PPFIBP2: variants seen among roughly 807,000 people sequenced by gnomAD.
The protein encoded by PPFIBP2 is PPFIB scaffold protein 2.
PPFIBP2 carries 118 observed loss-of-function variants against 118.3 expected under a neutral mutation model. The ratio of observed to expected loss-of-function variants is 1.00; its 90% confidence interval spans 0.86 to 1.16. The LOEUF is 1.16. PPFIBP2 is among the 50% of genes most tolerant of loss of function. The pLI, the probability that PPFIBP2 is intolerant of heterozygous loss-of-function variation, is 0.00. For missense variants in PPFIBP2, 1,195 were observed against 1,073.1 expected (o/e 1.11, Z -1.59); for synonymous variants, 414 against 397.4 (o/e 1.04, Z -0.50).
chr11:7,515,629 TGA>T (rs1485249657), intron 1 of PPFIBP2, among the ~76,000 whole-genome samples: 4 of 152,212 alleles, frequency 2.6e-5, no homozygotes, highest in African/African-American at 9.6e-5. Flanking sequence ...GGACTCACCA[TGA>T]GAAGTGGCCA....
chr11:7,660,514 A>G (rs1854867449), downstream of PPFIBP2, among the ~76,000 whole-genome samples: 2 of 149,126 alleles, frequency 1.3e-5, no homozygotes, highest in East Asian at 1.9e-4. Flanking sequence ...ATCATGGTGA[A>G]TAAGCTTTTT....
chr11:7,515,741 C>G (rs189121522), intron 1 of PPFIBP2, among the ~76,000 whole-genome samples: 251 of 152,300 alleles, frequency 1.6e-3, no homozygotes, highest in Non-Finnish European at 2.9e-3. Context: ...TGGACTTGGT[C>G]TGAAGGCACA....
chr11:7,655,640 C>G (rs1854614520), downstream of PPFIBP2: 5 of 648,032 alleles, frequency 7.7e-6, no homozygotes, highest in Non-Finnish European at 1.2e-5. Context: ...TGAGCCTGAG[C>G]CAGCCACGAG....
rs376540859 is a variant in PPFIBP2 at position 7,629,708 on chromosome 11, T to C, written c.964+174T>C. 4.6e-4 allele frequency among the ~76,000 whole-genome samples: 70 copies of C among 152,330 alleles called. 1 individual carries two copies. The South Asian group carries it at 0.014, about 30-fold the overall frequency. The stretch of plus-strand genomic sequence containing the variant: ...GATGAGAACTTAGCAGTTGTTGATT[T>C]CCAGAAATACTACCAAATGGAAGTC... On this transcript the variant is annotated intron_variant, in intron 10 of 23. Transcript: ENST00000299492.
At chr11:7,576,610 C>G (rs992559013) in intron 3 of PPFIBP2, 1 of 152,562 alleles carries the variant, frequency 6.6e-6, no homozygotes, top group South Asian at 2.1e-4. Context: ...CTTTCCACCT[C>G]CTTGGTTTGT....
At chr11:7,655,356 G>A (rs77079228), downstream of PPFIBP2, 2,061 of 1,149,680 alleles carry the variant, frequency 1.8e-3, 28 homozygotes, top group African/African-American at 0.029. Context: ...GCTTGAGCAC[G>A]ACAGGACTTG....
intron 1 of PPFIBP2, among the ~76,000 whole-genome samples, chr11:7,542,900 C>T (rs1050511839): frequency 6.6e-6 from 1 of 152,146 alleles, no homozygotes; most frequent in Admixed American, 6.5e-5. Context: ...TTTACATTTG[C>T]CCAAAACAAT....
intron 2 of PPFIBP2, among the ~76,000 whole-genome samples, chr11:7,557,638 C>T (rs1248784222): frequency 6.6e-6 from 1 of 152,040 alleles, no homozygotes; most frequent in Non-Finnish European, 1.5e-5. Context: ...GTGCCCACCA[C>T]CATTCCCATC....
intron 6 of PPFIBP2, among the ~76,000 whole-genome samples, chr11:7,610,913 T>C (rs1847993849): frequency 6.6e-6 from 1 of 152,250 alleles, no homozygotes; most frequent in Non-Finnish European, 1.5e-5. Context: ...GCAGGCCTTC[T>C]CTTAGAGAAT....
In PPFIBP2 at chr11:7,616,484, G is replaced by A. The variant is rs149484066; in HGVS notation, c.619-4451G>A. 4.6e-5 allele frequency among the ~76,000 whole-genome samples: 7 copies of A among 152,306 alleles called. No homozygotes were observed. The highest frequency in any genetic ancestry group is 1.4e-4 in the African/African-American group (6 of 41,564). On this transcript the variant is annotated intron_variant, in intron 6 of 23. Coordinates refer to ENST00000299492, the MANE Select transcript of PPFIBP2 (RefSeq NM_003621.5). The surrounding 1 kb of genome is among the most constrained non-coding windows in gnomAD (Gnocchi z 5.2). ...TGAGTCTCGTCAGATTGGCCTTATCGGTTTGGCCGGGAATGTGTCGTGTGG... is the reference window on the plus strand; with the variant it reads ...TGAGTCTCGTCAGATTGGCCTTATCAGTTTGGCCGGGAATGTGTCGTGTGG...
rs562252842 is a variant in PPFIBP2, at chr11:7,532,721, C to A, written c.-36-16719C>A. ...CCTTCTCCTCTGATGGAGGCAGAGG[C>A]CAGGCTGTTGTTGACAGTGCACACA... On this transcript the variant is annotated intron_variant, in intron 1 of 23. Coordinates refer to ENST00000299492, the MANE Select transcript of PPFIBP2 (RefSeq NM_003621.5). 5.3e-5 allele frequency among the ~76,000 whole-genome samples: 8 copies of A among 152,326 alleles called. No homozygotes were observed. The South Asian group carries it at 1.7e-3, about 32-fold the overall frequency.
At chr11:7,650,745 T>C (rs1853864914) in intron 21 of PPFIBP2, 95 bp from the exon 22 acceptor site, 2 of 1,409,802 alleles carry the variant, frequency 1.4e-6, no homozygotes. Context: ...TTGTGATGCG[T>C]CTGGGGCAGG....
At chr11:7,665,847 A>C in the PPFIBP2 span, 1 of 1,535,904 alleles carries the variant, frequency 6.5e-7, no homozygotes, top group Non-Finnish European at 8.7e-7. Context: ...GAATCAGTAC[A>C]GCCAGCTGGA....
At chr11:7,604,856 C>T (rs1455103595) in intron 5 of PPFIBP2, among the ~76,000 whole-genome samples, 1 of 152,068 alleles carries the variant, frequency 6.6e-6, no homozygotes, top group Non-Finnish European at 1.5e-5. Flanking sequence ...GAGTCCAGGA[C>T]CATGTGAGCA....
chr11:7,581,575 G>C (rs914240432), intron 3 of PPFIBP2, among the ~76,000 whole-genome samples: 38 of 152,300 alleles, frequency 2.5e-4, no homozygotes, highest in African/African-American at 8.7e-4. Flanking sequence ...GGCCAGAAGA[G>C]CTGCAAAGGC....
In PPFIBP2 at chr11:7,649,553, G is replaced by A. The variant is rs756839128; in HGVS notation, c.2020G>A (p.Val674Ile). The change falls in exon 21 of 24, where the codon GTC (valine) becomes ATC (isoleucine). Residue 674 changes from valine (V) to isoleucine (I), a missense_variant. Physicochemically the swap from Val to Ile is conservative, Grantham distance 29. Coordinates refer to ENST00000299492, the MANE Select transcript of PPFIBP2 (RefSeq NM_003621.5). ...TCAGAACGATTTACTCTTCTTAAAA[G>A]TCACCAGCCAACTACATCATCTCAG... Reference protein sequence around the residue: ...LTVNDLLFLKVTSQLHHLSIK... With the variant: ...LTVNDLLFLKITSQLHHLSIK... 5 of 1,614,186 alleles carry A rather than the reference G, an allele frequency of 3.1e-6. No individual in the cohort carries two copies. In the South Asian group the frequency reaches 5.5e-5, roughly 18 times the overall value.
chr11:7,642,204 T>G, intron 16 of PPFIBP2, 94 bp from the exon 17 acceptor site: 2 of 1,479,414 alleles, frequency 1.4e-6, no homozygotes, highest in African/African-American at 2.8e-5. Flanking sequence ...AGAGTCCCTG[T>G]GCTGGCCTGC....
At chr11:7,541,027 T>C (rs1257775690) in intron 1 of PPFIBP2, among the ~76,000 whole-genome samples, 1 of 152,224 alleles carries the variant, frequency 6.6e-6, no homozygotes, top group Non-Finnish European at 1.5e-5. Context: ...TGAGTCCATA[T>C]GATGATAGAC....
intron 5 of PPFIBP2, chr11:7,598,245 A>AGATATGCAATTTAGT (rs1860762659): frequency 3.3e-6 from 1 of 305,034 alleles, no homozygotes; most frequent in Non-Finnish European, 6.4e-6. Flanking sequence ...TAATCACAAG[A>AGATATGCAATTTAGT]GATATGCAAT....
Sources: allele counts gnomAD v4.1 joint callset (sites outside exome capture counted in the v4.1 genomes callset), GRCh38; gene constraint gnomAD v4.1.1; non-coding constraint Gnocchi (gnomAD v3.1); transcripts MANE v1.5; gene names NCBI Gene and HGNC (gene_info 2026-07-23, HGNC 2026-07-21).